STK32B: variants seen among roughly 807,000 people sequenced by gnomAD.
The protein encoded by STK32B is serine/threonine kinase 32B, also known as serine/threonine-protein kinase 32B.
Under a neutral mutation model 52.6 loss-of-function variants are expected in STK32B, and 43 were observed. That is an observed-to-expected ratio of 0.82 (90% CI 0.64 to 1.05). STK32B has a LOEUF of 1.05. STK32B is among the 50% of genes least tolerant of loss of function. The probability of loss-of-function intolerance (pLI) is 0.00; values close to 1 mark genes in which losing one functional copy is unlikely to be tolerated. For synonymous variants in STK32B, 238 were observed against 204.3 expected (o/e 1.17, Z -1.41); for missense variants, 621 against 534.6 (o/e 1.16, Z -1.59).
chr4:5,019,500 G>A, the STK32B span: 1,984 of 1,400,574 alleles, frequency 1.4e-3, 46 homozygotes, highest in East Asian at 0.05. Flanking sequence ...GGCTGGGGGT[G>A]GTCCAGGGCG....
chr4:5,053,847 C>T (rs887436187), intron 1 of STK32B, among the ~76,000 whole-genome samples: 2 of 151,964 alleles, frequency 1.3e-5, no homozygotes, highest in Non-Finnish European at 2.9e-5. Context: ...GGCATGTTGG[C>T]GGGAACCTGT....
chr4:5,438,877 T>G (rs2109104391), intron 6 of STK32B, among the ~76,000 whole-genome samples: 1 of 151,872 alleles, frequency 6.6e-6, no homozygotes, highest in South Asian at 2.1e-4. Context: ...CTTGGGATAA[T>G]TTACTGAGAA....
At chr4:5,063,718 C>A (rs1742303974) in intron 1 of STK32B, among the ~76,000 whole-genome samples, 1 of 152,164 alleles carries the variant, frequency 6.6e-6, no homozygotes, top group South Asian at 2.1e-4. Context: ...GCATATTTTA[C>A]ACTTTCAGCA....
intron 3 of STK32B, among the ~76,000 whole-genome samples, chr4:5,322,474 C>T (rs1187623198): frequency 6.6e-6 from 1 of 152,116 alleles, no homozygotes; most frequent in Non-Finnish European, 1.5e-5. Context: ...GCAGTTGCCA[C>T]ACAGTAAAAA....
intron 9 of STK32B, among the ~76,000 whole-genome samples, chr4:5,463,568 C>G (rs1432792583): frequency 1.3e-5 from 2 of 152,016 alleles, no homozygotes; most frequent in African/African-American, 4.8e-5. Context: ...ACACACATAC[C>G]TACTCATCCT....
intron 1 of STK32B, among the ~76,000 whole-genome samples, chr4:5,070,964 C>T (rs759297360): frequency 6.6e-6 from 1 of 152,162 alleles, no homozygotes; most frequent in Non-Finnish European, 1.5e-5. Context: ...ATAACCTCTG[C>T]TCCTGTACAT....
intron 3 of STK32B, among the ~76,000 whole-genome samples, chr4:5,236,317 T>C (rs972264335): frequency 1.3e-5 from 2 of 152,138 alleles, no homozygotes; most frequent in Non-Finnish European, 2.9e-5. Context: ...TCCTTTTCCC[T>C]AGTGAATAGC....
At chr4:5,422,421 G>A (rs1458246308) in intron 6 of STK32B, among the ~76,000 whole-genome samples, 1 of 152,148 alleles carries the variant, frequency 6.6e-6, no homozygotes. Flanking sequence ...TGATGAGTAA[G>A]CTCCCAGAGG....
intron 3 of STK32B, among the ~76,000 whole-genome samples, chr4:5,280,510 A>G (rs947701538): frequency 6.6e-6 from 1 of 152,130 alleles, no homozygotes; most frequent in African/African-American, 2.4e-5. Context: ...TGCAGTTCCA[A>G]ACCTGCTTGC....
intron 4 of STK32B, among the ~76,000 whole-genome samples, chr4:5,332,711 T>C (rs938709818): frequency 2.0e-5 from 3 of 152,136 alleles, no homozygotes; most frequent in Admixed American, 6.6e-5. Context: ...GTGTTATCAT[T>C]GTTCAGTTCC....
Position 5,343,410 on chromosome 4 carries a change from T to C in STK32B, c.434+12017T>C, listed in dbSNP as rs1430660018. Among the ~76,000 whole-genome samples, 5 of 152,266 alleles carry C rather than the reference T, an allele frequency of 3.3e-5. No homozygotes were observed. The South Asian group carries it at 8.3e-4, about 25-fold the overall frequency. ...ATTGTGAATAGTGCCGCAGTAAACA[T>C]ACGTATGCATGTGTCTTTATAGTAG... On this transcript the variant is annotated intron_variant, in intron 4 of 11. Coordinates refer to ENST00000282908, the MANE Select transcript of STK32B (RefSeq NM_018401.3).
intron 3 of STK32B, among the ~76,000 whole-genome samples, chr4:5,307,359 C>A (rs757132335): frequency 6.5e-4 from 99 of 152,046 alleles, no homozygotes; most frequent in Non-Finnish European, 1.0e-3. Flanking sequence ...TTGTTTTTGT[C>A]AGATTGGTTT....
chr4:5,168,961 CT>C (rs1380605613), intron 3 of STK32B, among the ~76,000 whole-genome samples: 1 of 152,358 alleles, frequency 6.6e-6, no homozygotes, highest in East Asian at 1.9e-4. Flanking sequence ...ATTATCTTCA[CT>C]TTAAATGTGC....
rs563086871 is a variant in STK32B at position 5,398,932 on chromosome 4, C to G, written c.472+688C>G. Among the ~76,000 whole-genome samples the G allele has an allele frequency of 3.3e-5, 5 of 152,300 alleles. No individual in the cohort carries two copies. The South Asian group carries it at 1.0e-3, about 32-fold the overall frequency. ...CAGTGGCTCTCCAACTCTGGCCTTA[C>G]CAGAATTACCTGGGGGACCTGGTAA... On this transcript the variant is annotated intron_variant, in intron 5 of 11. Coordinates refer to ENST00000282908, the MANE Select transcript of STK32B (RefSeq NM_018401.3). This position sits in a 1 kb window ranked among gnomAD's most constrained non-coding sequence, Gnocchi z 4.9.
At chr4:5,447,682 C>A (rs927050717) in intron 7 of STK32B, among the ~76,000 whole-genome samples, 4 of 152,180 alleles carry the variant, frequency 2.6e-5, no homozygotes, top group Non-Finnish European at 5.9e-5. Flanking sequence ...GGTGTTATTT[C>A]TTTGCACAAG....
chr4:5,349,205 GCCA>G (rs1733669602), intron 4 of STK32B, among the ~76,000 whole-genome samples: 1 of 152,096 alleles, frequency 6.6e-6, no homozygotes, highest in South Asian at 2.1e-4. Flanking sequence ...TAAAGCCAGT[GCCA>G]GTATATGCCA....
rs897442734 is a variant in STK32B, at chr4:5,141,051, T to A, written c.108+1091T>A. Among the ~76,000 whole-genome samples the A allele has an allele frequency of 1.1e-4, 17 of 152,168 alleles. 1 individual carries two copies. Among genetic ancestry groups the A allele is most frequent in the Non-Finnish European group, 1.5e-4 (10 of 68,030 alleles). On this transcript the variant is annotated intron_variant, in intron 2 of 11. Coordinates refer to ENST00000282908, the MANE Select transcript of STK32B (RefSeq NM_018401.3). ...GTTGCTGTTTTGTAGAGCTGAGCTATCAATAGGGTAGCCACTAACCACATG... is the reference window on the plus strand; with the variant it reads ...GTTGCTGTTTTGTAGAGCTGAGCTAACAATAGGGTAGCCACTAACCACATG...
chr4:5,401,133 G>T (rs772068076), intron 5 of STK32B, among the ~76,000 whole-genome samples: 1 of 152,150 alleles, frequency 6.6e-6, no homozygotes, highest in Non-Finnish European at 1.5e-5. Flanking sequence ...TTATTTTGTA[G>T]GTTTATAACA....
At chr4:5,230,416 C>G (rs1457664205) in intron 3 of STK32B, among the ~76,000 whole-genome samples, 1 of 151,922 alleles carries the variant, frequency 6.6e-6, no homozygotes, top group Non-Finnish European at 1.5e-5. Context: ...TATCGAACTC[C>G]TAACCTCAGC....
Sources: gnomAD v4.1 joint callset for allele counts (sites outside exome capture counted in the v4.1 genomes callset) on GRCh38, gnomAD v4.1.1 for gene constraint, Gnocchi (gnomAD v3.1) non-coding constraint, MANE v1.5 for transcripts, NCBI Gene and HGNC (gene_info 2026-07-23, HGNC 2026-07-21) for gene names.